The following DIXDC1 variants were observed in gnomAD, a reference collection of about 807,000 sequenced individuals.
DIXDC1 encodes the protein DIX domain containing 1.
DIXDC1 carries 64 observed loss-of-function variants against 103.1 expected under a neutral mutation model. The ratio of observed to expected loss-of-function variants is 0.62; its 90% CI spans 0.51 to 0.76. The LOEUF (loss-of-function observed/expected upper bound fraction) is 0.76, where lower values mean the gene tolerates loss of function less well. Among genes scored for constraint, DIXDC1 ranks in the 30% least tolerant of loss-of-function variants. The pLI, the probability that DIXDC1 is intolerant of heterozygous loss-of-function variation, is 0.00. For missense variants in DIXDC1, 759 were observed against 834.2 expected (o/e 0.91, Z 1.11); for synonymous variants, 266 against 298.5 (o/e 0.89, Z 1.12).
intron 1 of DIXDC1, chr11:111,946,638 G>T: frequency 4.1e-6 from 1 of 246,564 alleles, no homozygotes. Context: ...TAGAATTACA[G>T]GCATGAGCCA....
intron 17 of DIXDC1, among the ~76,000 whole-genome samples, chr11:111,998,000 T>TCA (rs1860956388): frequency 6.6e-6 from 1 of 152,256 alleles, no homozygotes. Context: ...CACTTCCTGT[T>TCA]CACTACTCAG....
At chr11:111,973,964 T>C in intron 3 of DIXDC1, 59 bp from the exon 4 acceptor site, 1 of 1,538,262 alleles carries the variant, frequency 6.5e-7, no homozygotes, top group Admixed American at 1.8e-5. Context: ...GTCCTCAGCT[T>C]TTGCCTCCCT....
At chr11:111,969,792 T>C (rs1222160015) in intron 3 of DIXDC1, among the ~76,000 whole-genome samples, 1 of 152,204 alleles carries the variant, frequency 6.6e-6, no homozygotes, top group Non-Finnish European at 1.5e-5. Flanking sequence ...TACTGATCAT[T>C]GAGAGCACCT....
At chr11:112,013,339 G>T (rs1375610837) in intron 17 of DIXDC1, among the ~76,000 whole-genome samples, 1 of 134,046 alleles carries the variant, frequency 7.5e-6, no homozygotes, top group Non-Finnish European at 1.6e-5. Context: ...GGGTGGGGGG[G>T]GGGAACAAAT....
rs1164921344 is a variant in DIXDC1 at position 111,977,298 on chromosome 11, G to C, written c.656+2315G>C. The C allele has an allele frequency of 3.8e-6, 4 of 1,043,126 alleles. No individual in the cohort carries two copies. The South Asian group carries it at 1.3e-4, about 33-fold the overall frequency. 64.6% of individuals were successfully genotyped at this position (1,043,126 alleles called of 1,614,324 possible). On this transcript the variant is annotated intron_variant, in intron 5 of 19. Coordinates refer to ENST00000440460, the MANE Select transcript of DIXDC1 (RefSeq NM_001037954.4). The surrounding 1 kb of genome is among the most constrained non-coding windows in gnomAD (Gnocchi z 6.1). ...AGCCCAGGGAGGGAGCAGAGGGTGG[G>C]GCGGGGAGGGATCCGGAAGGTGGCA...
chr11:111,937,689 G>A (rs1966262024), intron 1 of DIXDC1, 130 bp downstream of exon 1: 1 of 872,484 alleles, frequency 1.1e-6, no homozygotes. Context: ...AACCCCAAAG[G>A]GGCTAAGGTG....
upstream of DIXDC1, among the ~76,000 whole-genome samples, chr11:111,935,212 C>T (rs587615866): frequency 2.6e-5 from 4 of 152,334 alleles, no homozygotes; most frequent in East Asian, 7.7e-4. Context: ...GACCTCAGAG[C>T]CCTCTGGTTC....
In DIXDC1 at chr11:112,019,593, G is replaced by A. The variant is rs1861695268; in HGVS notation, c.*557G>A. 6.5e-6 allele frequency: 1 copy of A among 152,846 alleles called. No homozygotes were observed. Among genetic ancestry groups the A allele is most frequent in the Admixed American group, 6.5e-5 (1 of 15,282 alleles). The allele number at this position is 152,846 out of a possible 1,614,324, so 9.5% of individuals were successfully genotyped here. A position where few individuals can be genotyped will look rare whatever the true frequency, so the allele number is the denominator to read the frequency against. ...ATCTTTTGAACCAGACGTGGATGGT[G>A]CTGAATTGTTGCTTGGATGGAAAAA... On this transcript the variant is annotated 3_prime_UTR_variant, in exon 20 of 20. Coordinates refer to ENST00000440460, the MANE Select transcript of DIXDC1 (RefSeq NM_001037954.4).
chr11:111,989,072 T>G lies in DIXDC1; in HGVS notation c.1113+17T>G. 6.3e-7 allele frequency: 1 copy of G among 1,585,112 alleles called. No individual in the cohort carries two copies. ...GGGATAAAGGTAAAAAAGAAGACAT[T>G]TAATTCTTTAAATAAAGTCTCTGCA... is the stretch of plus-strand genomic sequence containing the variant. On this transcript the variant is annotated intron_variant, in intron 10 of 19. Coordinates refer to ENST00000440460, the MANE Select transcript of DIXDC1 (RefSeq NM_001037954.4).
At chr11:112,005,882 A>G (rs1294525179) in intron 17 of DIXDC1, among the ~76,000 whole-genome samples, 1 of 152,142 alleles carries the variant, frequency 6.6e-6, no homozygotes, top group Non-Finnish European at 1.5e-5. Context: ...GCTTATGACT[A>G]TAATCCCAGC....
intron 10 of DIXDC1, among the ~76,000 whole-genome samples, chr11:111,991,858 G>A (rs1555174566): frequency 6.6e-6 from 1 of 152,232 alleles, no homozygotes; most frequent in African/African-American, 2.4e-5. Flanking sequence ...GCCAGCATGG[G>A]AGTGATTTCA....
chr11:111,984,827 A>G (rs1555173646), intron 7 of DIXDC1, among the ~76,000 whole-genome samples: 1 of 152,226 alleles, frequency 6.6e-6, no homozygotes, highest in Admixed American at 6.5e-5. Context: ...CTCCAAATGT[A>G]TTCCAAATAA....
intron 1 of DIXDC1, among the ~76,000 whole-genome samples, chr11:111,942,441 C>A (rs969060608): frequency 6.6e-6 from 1 of 152,174 alleles, no homozygotes; most frequent in African/African-American, 2.4e-5. Context: ...TTTGTTATTC[C>A]CCCAAACCAA....
chr11:111,975,349 G>A (rs1555172492), intron 5 of DIXDC1: 3 of 1,079,622 alleles, frequency 2.8e-6, no homozygotes, highest in East Asian at 6.7e-5. Flanking sequence ...GAGCCTAAGT[G>A]TAACTCTTAA....
intron 12 of DIXDC1, among the ~76,000 whole-genome samples, 193 bp from the exon 13 acceptor site, chr11:111,993,300 CCTT>C (rs1555174767): frequency 6.6e-6 from 1 of 152,148 alleles, no homozygotes. Flanking sequence ...ATGCCAGTTC[CCTT>C]CTTCATTACT....
intron 1 of DIXDC1, among the ~76,000 whole-genome samples, chr11:111,960,665 AC>A (rs1249515432): frequency 1.3e-5 from 2 of 152,090 alleles, no homozygotes; most frequent in African/African-American, 4.8e-5. Context: ...GGAATAGTTA[AC>A]CTTGGCTCAC....
intron 16 of DIXDC1, among the ~76,000 whole-genome samples, 164 bp downstream of exon 16, chr11:111,995,728 C>T (rs1860876787): frequency 6.6e-6 from 1 of 151,392 alleles, no homozygotes; most frequent in Non-Finnish European, 1.5e-5. Flanking sequence ...GACTATTCAT[C>T]ATGGTATGAC....
At position 111,980,787 on chromosome 11, in the gene DIXDC1, C is replaced by T. The variant is rs1555173166; in HGVS notation, c.707C>T (p.Thr236Ile). 6.2e-7 allele frequency: 1 copy of T among 1,614,002 alleles called. No homozygotes were observed. Among genetic ancestry groups the T allele is most frequent in the South Asian group, 1.1e-5 (1 of 91,084 alleles). ...AGTGCAAAGAGCGAGTCCATTATAA[C>T]CCAGTCAGAAGAGAAGGCAGATTTT... is the stretch of plus-strand genomic sequence containing the variant. ...IHSAKSESII[T>I]QSEEKADFVI... Residue 236 changes from threonine to isoleucine, a missense_variant, in exon 6 of 20, where the codon ACC becomes ATC. Thr to Ile is a moderately conservative substitution (Grantham distance 89, BLOSUM62 -1). Transcript: ENST00000440460.
chr11:111,979,258 C>G (rs1009924263), intron 5 of DIXDC1, among the ~76,000 whole-genome samples: 5 of 152,184 alleles, frequency 3.3e-5, no homozygotes, highest in African/African-American at 7.2e-5. Flanking sequence ...CTGCTTTTGA[C>G]GTGCCTGGCT....
Sources: allele counts gnomAD v4.1 joint callset (sites outside exome capture counted in the v4.1 genomes callset), GRCh38; gene constraint gnomAD v4.1.1; non-coding constraint Gnocchi (gnomAD v3.1); transcripts MANE v1.5; gene names NCBI Gene and HGNC (gene_info 2026-07-23, HGNC 2026-07-21).